DIP2C: variants seen among roughly 807,000 people sequenced by gnomAD.
DIP2C encodes the protein DIP2 acetate--CoA ligase C (putative), also known as disco-interacting protein 2 homolog C.
A neutral mutation model predicts 192.4 loss-of-function variants in DIP2C; 33 were observed. The observed-to-expected ratio is 0.17, with a 90% confidence interval of 0.13 to 0.23. DIP2C has a LOEUF of 0.23. DIP2C is among the 10% of genes least tolerant of loss of function. The pLI is 1.00. For synonymous variants in DIP2C, 979 were observed against 864.1 expected, an observed-to-expected ratio of 1.13 and a Z score of -2.33; for missense variants, 1,537 against 2,110.1, an observed-to-expected ratio of 0.73 and a Z score of 5.32.
intron 1 of DIP2C, among the ~76,000 whole-genome samples, chr10:580,487 AAT>A (rs1850559613): frequency 1.3e-5 from 2 of 152,310 alleles, no homozygotes; most frequent in Admixed American, 6.5e-5. Flanking sequence ...TACATGTCCA[AAT>A]AGTGTGGATA....
In DIP2C at chr10:578,197, T is replaced by A. The variant is rs577172786; in HGVS notation, c.86-91667A>T. Among the ~76,000 whole-genome samples, 3 of 152,328 alleles carry A rather than the reference T, an allele frequency of 2.0e-5. No individual in the cohort carries two copies. In the East Asian group the frequency reaches 5.8e-4, roughly 29 times the overall value. ...AACAGTACCTGAAGATGAACTTACATATCATTTTCAACGTTAACAAAGAAG... is the reference window on the plus strand; with the variant it reads ...AACAGTACCTGAAGATGAACTTACAAATCATTTTCAACGTTAACAAAGAAG... On this transcript the variant is annotated intron_variant, in intron 1 of 36. Transcript: ENST00000280886.
intron 1 of DIP2C, chr10:630,569 G>A (rs1854460112): frequency 6.6e-6 from 1 of 152,240 alleles, no homozygotes; most frequent in Non-Finnish European, 1.5e-5. Flanking sequence ...ACTTAAACAT[G>A]TCCCCAAAGT....
chr10:512,922 G>GGAA (rs1347155013), intron 1 of DIP2C, among the ~76,000 whole-genome samples: 4 of 92,186 alleles, frequency 4.3e-5, no homozygotes, highest in Middle Eastern at 6.8e-3. Flanking sequence ...CCCACTTCAG[G>GGAA]AAAAAAAAAA....
intron 1 of DIP2C, among the ~76,000 whole-genome samples, chr10:533,613 C>A (rs1422369577): frequency 1.3e-5 from 2 of 151,374 alleles, no homozygotes; most frequent in Non-Finnish European, 2.9e-5. Flanking sequence ...CTTAGGCAAA[C>A]CTGCCTCCCC....
intron 1 of DIP2C, among the ~76,000 whole-genome samples, chr10:608,676 CCCCCCCCACACACACACAT>C (rs1478397303): frequency 0.5 from 2 of 4 alleles, 1 homozygote; most frequent in Non-Finnish European, 1. Context: ...ACACACACAT[CCCCCCCCACACACACACAT>C]CCCCCCCACA....
At chr10:526,200 C>T (rs1847041157) in intron 1 of DIP2C, among the ~76,000 whole-genome samples, 1 of 152,162 alleles carries the variant, frequency 6.6e-6, no homozygotes, top group South Asian at 2.1e-4. Flanking sequence ...GTGCACGGCT[C>T]ACCACTCACA....
intron 17 of DIP2C, among the ~76,000 whole-genome samples, chr10:376,183 G>A (rs1447890598): frequency 2.0e-5 from 3 of 152,204 alleles, no homozygotes; most frequent in Admixed American, 6.5e-5. Context: ...AATCCTCAAG[G>A]TGAAGCCCTG....
At chr10:571,794 A>G (rs1849831956) in intron 1 of DIP2C, among the ~76,000 whole-genome samples, 1 of 152,176 alleles carries the variant, frequency 6.6e-6, no homozygotes, top group South Asian at 2.1e-4. Context: ...AACATGGGAC[A>G]TGGGAGAGGT....
Position 558,635 on chromosome 10 carries a change from C to G in DIP2C, c.86-72105G>C, listed in dbSNP as rs76840505. Among the ~76,000 whole-genome samples, 965 of 152,318 alleles carry G rather than the reference C, an allele frequency of 6.3e-3. 12 individuals carry two copies. The highest frequency in any genetic ancestry group is 0.022 in the African/African-American group (934 of 41,554). ...AAGGCAGCTTCTCCTGCACAGGAATCTAAGCCTGAAAGTGTGTTTCTGAGA... is the reference window on the plus strand; with the variant it reads ...AAGGCAGCTTCTCCTGCACAGGAATGTAAGCCTGAAAGTGTGTTTCTGAGA... On this transcript the variant is annotated intron_variant, in intron 1 of 36. Transcript: ENST00000280886.
chr10:374,203 TTTCA>T (rs779053267), intron 17 of DIP2C, among the ~76,000 whole-genome samples: 1 of 152,232 alleles, frequency 6.6e-6, no homozygotes, highest in East Asian at 1.9e-4. Context: ...ATATATTTTC[TTTCA>T]TTCAATTTTT....
Position 381,514 on chromosome 10 carries a change from G to A in DIP2C, c.1991+1133C>T, listed in dbSNP as rs1962372321. 3.3e-5 allele frequency among the ~76,000 whole-genome samples: 5 copies of A among 152,136 alleles called. No homozygotes were observed. In the South Asian group the frequency reaches 1.0e-3, roughly 31 times the overall value. ...GCTCCAGGGAGGTGGCTCTGGAGAGGGGCTGCTGTAACCCATGGTGGGCCG... is the reference window on the plus strand; with the variant it reads ...GCTCCAGGGAGGTGGCTCTGGAGAGAGGCTGCTGTAACCCATGGTGGGCCG... On this transcript the variant is annotated intron_variant, in intron 17 of 36. Transcript: ENST00000280886.
chr10:391,189 A>G (rs1442505817), intron 10 of DIP2C, among the ~76,000 whole-genome samples: 1 of 152,236 alleles, frequency 6.6e-6, no homozygotes, highest in Non-Finnish European at 1.5e-5. Context: ...CTCCAATTCC[A>G]TAAGACTATG....
intron 18 of DIP2C, 133 bp downstream of exon 18, chr10:369,361 G>T: frequency 1.7e-6 from 2 of 1,158,964 alleles, no homozygotes; most frequent in South Asian, 1.9e-5. Context: ...GACTTCAGAA[G>T]ACTGGGAGTG....
intron 9 of DIP2C, among the ~76,000 whole-genome samples, chr10:401,122 A>G (rs1276350440): frequency 1.9e-4 from 28 of 146,576 alleles, no homozygotes; most frequent in Admixed American, 4.7e-4. Flanking sequence ...TAGCATTAGC[A>G]TTACTCTTCC....
At chr10:579,133 G>A (rs982454017) in intron 1 of DIP2C, among the ~76,000 whole-genome samples, 3 of 151,648 alleles carry the variant, frequency 2.0e-5, no homozygotes, top group Non-Finnish European at 4.4e-5. Flanking sequence ...ACTAACATGT[G>A]TACATGCGTA....
chr10:673,338 A>G (rs1338469964), intron 1 of DIP2C, among the ~76,000 whole-genome samples: 3 of 152,240 alleles, frequency 2.0e-5, no homozygotes, highest in Non-Finnish European at 2.9e-5. Context: ...CAAAGAGAGC[A>G]ATGCTGTCTC....
At chr10:456,792 G>A (rs554320762) in intron 3 of DIP2C, among the ~76,000 whole-genome samples, 27 of 152,264 alleles carry the variant, frequency 1.8e-4, no homozygotes, top group African/African-American at 5.3e-4. Context: ...CCACCGTTTC[G>A]TTCTTTGGTA....
At chr10:427,956 T>C (rs988456508) in intron 4 of DIP2C, among the ~76,000 whole-genome samples, 1 of 152,174 alleles carries the variant, frequency 6.6e-6, no homozygotes, top group African/African-American at 2.4e-5. Flanking sequence ...GATATGTACA[T>C]AAACGTCGAC....
intron 1 of DIP2C, among the ~76,000 whole-genome samples, chr10:624,076 C>T (rs998930650): frequency 6.6e-6 from 1 of 152,252 alleles, no homozygotes; most frequent in Non-Finnish European, 1.5e-5. Flanking sequence ...CCGCCCTGAG[C>T]CCCTGAGTGC....
Sources: gnomAD v4.1 joint callset for allele counts (sites outside exome capture counted in the v4.1 genomes callset) on GRCh38, gnomAD v4.1.1 for gene constraint, MANE v1.5 for transcripts, NCBI Gene and HGNC (gene_info 2026-07-23, HGNC 2026-07-21) for gene names.